Variants in PHACTR2 observed in about 807,000 individuals in gnomAD.
PHACTR2 encodes phosphatase and actin regulator 2.
In PHACTR2, 30 loss-of-function variants were observed where a neutral mutation model predicts 76.0. The ratio of observed to expected loss-of-function variants is 0.39; its 90% CI spans 0.30 to 0.54. The LOEUF is 0.54. Among genes scored for constraint, PHACTR2 ranks in the 20% least tolerant of loss-of-function variants. PHACTR2 has a pLI of 0.61. For missense variants in PHACTR2, 696 were observed against 781.1 expected, an observed-to-expected ratio of 0.89 and a Z score of 1.30; for synonymous variants, 292 against 292.5, an observed-to-expected ratio of 1.00 and a Z score of 0.02.
In PHACTR2 at chr6:143,722,592, C is replaced by T. The variant is rs747834676; in HGVS notation, c.214+10409C>T. Among the ~76,000 whole-genome samples the T allele has an allele frequency of 8.5e-5, 13 of 152,288 alleles. No homozygotes were observed. Among genetic ancestry groups the T allele is most frequent in the Non-Finnish European group, 1.3e-4 (9 of 68,018 alleles). On this transcript the variant is annotated intron_variant, in intron 2 of 12. Transcript: ENST00000440869. The surrounding 1 kb of genome is among the most constrained non-coding windows in gnomAD (Gnocchi z 4.1). ...AAGGTAATTGAGATATACATCACCT[C>T]AAACATTTATCGTTTCTTTTTGTTA...
chr6:143,613,020 G>A (rs1377647720), intron 1 of PHACTR2, among the ~76,000 whole-genome samples: 2 of 152,092 alleles, frequency 1.3e-5, no homozygotes, highest in Non-Finnish European at 2.9e-5. Flanking sequence ...TTGCTCTGTC[G>A]CCCGGGAGTG....
At chr6:143,744,799 A>C (rs1055453798) in intron 2 of PHACTR2, among the ~76,000 whole-genome samples, 6 of 152,250 alleles carry the variant, frequency 3.9e-5, no homozygotes, top group African/African-American at 1.4e-4. Context: ...CCAGAGTATA[A>C]GCCTGAAGTC....
intron 12 of PHACTR2, among the ~76,000 whole-genome samples, chr6:143,817,944 A>T (rs1207662655): frequency 6.6e-6 from 1 of 152,204 alleles, no homozygotes; most frequent in East Asian, 1.9e-4. Context: ...TAGGGGGACT[A>T]TAGTTAATAA....
At chr6:143,540,020 G>A (rs531485461) in intron 1 of PHACTR2, among the ~76,000 whole-genome samples, 5 of 151,964 alleles carry the variant, frequency 3.3e-5, no homozygotes, top group African/African-American at 9.7e-5. Context: ...TGTCACCCTG[G>A]CTTGCTGCCG....
chr6:143,706,440 CA>C (rs1247272549), intron 1 of PHACTR2, among the ~76,000 whole-genome samples: 8 of 152,166 alleles, frequency 5.3e-5, no homozygotes, highest in African/African-American at 1.9e-4. Context: ...TCTACCTGGG[CA>C]AACACGGGTT....
intron 11 of PHACTR2, among the ~76,000 whole-genome samples, chr6:143,802,647 C>CCAAAAAAAAA (rs1775983818): frequency 1.1e-5 from 1 of 90,168 alleles, no homozygotes; most frequent in East Asian, 3.3e-4. Flanking sequence ...GACCCTGTCT[C>CCAAAAAAAAA]AAAAAAAAAA....
chr6:143,647,985 C>A lies in PHACTR2; in HGVS notation c.13+39663C>A, dbSNP rs1368666601. 6.6e-6 allele frequency among the ~76,000 whole-genome samples: 1 copy of A among 152,110 alleles called. No individual in the cohort carries two copies. The highest frequency in any genetic ancestry group is 1.9e-4 in the East Asian group (1 of 5,196). On this transcript the variant is annotated intron_variant, in intron 1 of 11. Coordinates refer to the PHACTR2 transcript ENST00000305766. The surrounding 1 kb of genome is among the most constrained non-coding windows in gnomAD (Gnocchi z 4.2). Reference sequence around the variant, plus strand: ...GGGGAAGTTGCCCCTGGCTGTGTGGCCGCAGTGGAAATAAGGGAAGCAGGT... The same window carrying A: ...GGGGAAGTTGCCCCTGGCTGTGTGGACGCAGTGGAAATAAGGGAAGCAGGT...
Position 143,645,283 on chromosome 6 carries a change from AAT to A in PHACTR2, c.13+36974_13+36975del, listed in dbSNP as rs35295522. 4.0e-5 allele frequency among the ~76,000 whole-genome samples: 6 copies of A among 150,270 alleles called. No individual in the cohort carries two copies. The East Asian group carries it at 5.8e-4, about 15-fold the overall frequency. On this transcript the variant is annotated intron_variant, in intron 1 of 11. Transcript: ENST00000305766. ...AATCAACGAGTGGAAAAGAAACTGT[AAT>A]ATATATATATATGAATATATATGAA...
Position 143,539,934 on chromosome 6 carries a change from G to A in PHACTR2, c.217+2727G>A, listed in dbSNP as rs1473407904. The stretch of plus-strand genomic sequence containing the variant: ...ACACCTAGGGATTCTGATTTCATTG[G>A]CATCAGGTGCATCCTGGCCATTAGA... On this transcript the variant is annotated intron_variant, in intron 1 of 11. Coordinates refer to the PHACTR2 transcript ENST00000367584. This position sits in a 1 kb window ranked among gnomAD's most constrained non-coding sequence, Gnocchi z 4.3. Among the ~76,000 whole-genome samples, 1 of 152,170 alleles carries A rather than the reference G, an allele frequency of 6.6e-6. No individual in the cohort carries two copies. The highest frequency in any genetic ancestry group is 1.5e-5 in the Non-Finnish European group (1 of 68,030).
chr6:143,614,720 G>T lies in PHACTR2; in HGVS notation c.13+6398G>T, dbSNP rs992370361. On this transcript the variant is annotated intron_variant, in intron 1 of 11. Transcript: ENST00000305766. ...AAATATCTGTGTCATCTATGTCCAG[G>T]ATTTCTCTTCTCTTTCCTTGCCTCT... Among the ~76,000 whole-genome samples, 5 of 152,062 alleles carry T rather than the reference G, an allele frequency of 3.3e-5. No homozygotes were observed. The East Asian group carries it at 9.6e-4, about 29-fold the overall frequency.
intron 6 of PHACTR2, among the ~76,000 whole-genome samples, chr6:143,769,438 A>G (rs1582860894): frequency 1.3e-5 from 2 of 152,208 alleles, no homozygotes; most frequent in East Asian, 3.8e-4. Flanking sequence ...AATTTATAAC[A>G]TAACTCATTA....
chr6:143,638,933 A>G (rs145898315), intron 1 of PHACTR2, among the ~76,000 whole-genome samples: 171 of 152,248 alleles, frequency 1.1e-3, no homozygotes, highest in African/African-American at 4.0e-3. Flanking sequence ...TACAAAATTT[A>G]TTCTGTCTAA....
chr6:143,571,214 A>G lies in PHACTR2; in HGVS notation c.217+34007A>G, dbSNP rs898694584. On this transcript the variant is annotated intron_variant, in intron 1 of 11. Transcript: ENST00000367584. This position sits in a 1 kb window ranked among gnomAD's most constrained non-coding sequence, Gnocchi z 4.6. The stretch of plus-strand genomic sequence containing the variant: ...TTAGCCAATTATCCCACTAACAATT[A>G]TCATTGTTAGTAACAATTATCATTG... Among the ~76,000 whole-genome samples the G allele has an allele frequency of 2.0e-5, 3 of 152,234 alleles. No individual in the cohort carries two copies. Among genetic ancestry groups the G allele is most frequent in the African/African-American group, 7.2e-5 (3 of 41,462 alleles).
chr6:143,735,923 T>C (rs914571658), intron 2 of PHACTR2, among the ~76,000 whole-genome samples: 2 of 152,208 alleles, frequency 1.3e-5, no homozygotes, highest in Non-Finnish European at 2.9e-5. Flanking sequence ...TCATTTGAAG[T>C]TTCATTTAGG....
In PHACTR2 at chr6:143,783,936, C is replaced by T. The variant is rs1775490205; in HGVS notation, c.1707+656C>T. ...CTTGGAAGCTGAGGCAGGAGGATTG[C>T]TTGAGCCCAGGAGGTCAAGACCAGC... On this transcript the variant is annotated intron_variant, in intron 10 of 12. Coordinates refer to ENST00000440869, the MANE Select transcript of PHACTR2 (RefSeq NM_001100164.2). The surrounding 1 kb of genome is among the most constrained non-coding windows in gnomAD (Gnocchi z 5.2). Among the ~76,000 whole-genome samples, 1 of 151,302 alleles carries T rather than the reference C, an allele frequency of 6.6e-6. No homozygotes were observed. The highest frequency in any genetic ancestry group is 2.1e-4 in the South Asian group (1 of 4,800).
chr6:143,692,723 C>T (rs1777673921), intron 1 of PHACTR2, among the ~76,000 whole-genome samples: 1 of 152,164 alleles, frequency 6.6e-6, no homozygotes, highest in Admixed American at 6.5e-5. Flanking sequence ...TTCCTTCTTT[C>T]AAGTGGGCTG....
At chr6:143,575,395 A>C (rs1775494257) in intron 1 of PHACTR2, among the ~76,000 whole-genome samples, 1 of 152,234 alleles carries the variant, frequency 6.6e-6, no homozygotes, top group Non-Finnish European at 1.5e-5. Context: ...GAAATGTTAT[A>C]ATGTGACTTA....
chr6:143,747,461 C>T (rs943190244), intron 2 of PHACTR2, among the ~76,000 whole-genome samples: 11 of 152,212 alleles, frequency 7.2e-5, no homozygotes, highest in Admixed American at 3.3e-4. Flanking sequence ...CCTGAGCAAA[C>T]ATGTTCTTAG....
intron 1 of PHACTR2, among the ~76,000 whole-genome samples, chr6:143,699,953 T>C (rs554928864): frequency 6.6e-6 from 1 of 152,304 alleles, no homozygotes; most frequent in South Asian, 2.1e-4. Context: ...CTGTTTTCCA[T>C]AGTACATGCC....
Sources: gnomAD v4.1 joint callset for allele counts (sites outside exome capture counted in the v4.1 genomes callset) on GRCh38, gnomAD v4.1.1 for gene constraint, Gnocchi (gnomAD v3.1) non-coding constraint, MANE v1.5 for transcripts, NCBI Gene and HGNC (gene_info 2026-07-23, HGNC 2026-07-21) for gene names.